SLC8A1: variants seen among roughly 807,000 people sequenced by gnomAD.
The protein encoded by SLC8A1 is sodium/calcium exchanger 1.
SLC8A1 carries 18 observed loss-of-function variants against 68.3 expected under a neutral mutation model. The observed-to-expected ratio is 0.26, with a 90% CI of 0.18 to 0.39. The LOEUF (loss-of-function observed/expected upper bound fraction) is 0.39, where lower values mean the gene tolerates loss of function less well. Ranked by LOEUF, SLC8A1 falls within the 10% of genes least tolerant of loss-of-function variation. The pLI, the probability that SLC8A1 is intolerant of heterozygous loss-of-function variation, is 1.00. For missense variants in SLC8A1, 985 were observed against 1,156.7 expected (o/e 0.85, Z 2.15); for synonymous variants, 475 against 415.5 (o/e 1.14, Z -1.74).
chr2:40,304,326 T>C (rs1354398903), intron 2 of SLC8A1, among the ~76,000 whole-genome samples: 3 of 152,184 alleles, frequency 2.0e-5, no homozygotes, highest in Non-Finnish European at 4.4e-5. Context: ...CAATTTTCAA[T>C]ATCCAGATTC....
intron 1 of SLC8A1, among the ~76,000 whole-genome samples, chr2:40,497,734 G>C (rs914697726): frequency 6.6e-6 from 1 of 152,058 alleles, no homozygotes; most frequent in East Asian, 1.9e-4. Flanking sequence ...AGGGCTACTA[G>C]CAATTGATAA....
chr2:40,337,440 A>G (rs940577460), intron 2 of SLC8A1: 2 of 248,598 alleles, frequency 8.0e-6, no homozygotes, highest in East Asian at 1.6e-4. Flanking sequence ...TCTACAGGGA[A>G]CCCATGAAGG....
chr2:40,262,183 G>C (rs556805544), intron 2 of SLC8A1, among the ~76,000 whole-genome samples: 1 of 151,988 alleles, frequency 6.6e-6, no homozygotes. Flanking sequence ...GGATGGTCTC[G>C]ATCTCCTGAC....
chr2:40,461,815 T>C (rs897762249), intron 1 of SLC8A1, among the ~76,000 whole-genome samples: 7 of 152,126 alleles, frequency 4.6e-5, no homozygotes, highest in Admixed American at 1.3e-4. Flanking sequence ...GTTTGATTTT[T>C]CATGTGTATT....
exon 8 of SLC8A1, chr2:40,108,635 C>G (rs1482449541): frequency 6.6e-6 from 1 of 152,154 alleles, no homozygotes; most frequent in Non-Finnish European, 1.5e-5. Flanking sequence ...AAGGTATCTA[C>G]AGAAAATATT....
intron 4 of SLC8A1, among the ~76,000 whole-genome samples, chr2:40,171,361 T>C (rs903188077): frequency 9.9e-5 from 15 of 152,224 alleles, no homozygotes; most frequent in Non-Finnish European, 7.3e-5. Flanking sequence ...TAAATAGGTA[T>C]ACTGACTGAT....
At position 40,273,402 on chromosome 2, in the gene SLC8A1, CTTAATAAACT is replaced by C. The variant is rs564727995; in HGVS notation, c.1809-95557_1809-95548del. Among the ~76,000 whole-genome samples the C allele has an allele frequency of 2.4e-4, 37 of 152,266 alleles. No homozygotes were observed. In the South Asian group the frequency reaches 3.7e-3, roughly 15 times the overall value. ...GCCACCATGCCCAGCCCCAAATACT[CTTAATAAACT>C]TTAATAAACTAAGAAGTCTAAGATG... On this transcript the variant is annotated intron_variant, in intron 2 of 7. Transcript: ENST00000406785.
At chr2:40,337,989 GACA>G (rs1050084206) in intron 2 of SLC8A1, among the ~76,000 whole-genome samples, 13 of 152,044 alleles carry the variant, frequency 8.6e-5, no homozygotes, top group Non-Finnish European at 1.3e-4. Context: ...CAGCAATATG[GACA>G]ACATCACCCA....
At chr2:40,164,708 GC>G in intron 5 of SLC8A1, 145 bp downstream of exon 8, 2 of 1,051,658 alleles carry the variant, frequency 1.9e-6, no homozygotes, top group East Asian at 4.8e-5. Flanking sequence ...TTCCAATTTG[GC>G]CCCAAAGGCT....
intron 2 of SLC8A1, among the ~76,000 whole-genome samples, chr2:40,379,074 AT>A (rs1168129275): frequency 2.0e-5 from 3 of 152,154 alleles, no homozygotes; most frequent in Admixed American, 2.0e-4. Context: ...CCAGAATAGC[AT>A]CTGGCTCATA....
chr2:40,202,507 G>C (rs2054575351), intron 2 of SLC8A1, among the ~76,000 whole-genome samples: 1 of 151,902 alleles, frequency 6.6e-6, no homozygotes. Context: ...CTTCAACTTT[G>C]CATTTCTGAA....
Position 40,313,707 on chromosome 2 carries a change from T to A in SLC8A1, c.1808+114766A>T, listed in dbSNP as rs188900660. Among the ~76,000 whole-genome samples the A allele has an allele frequency of 1.5e-4, 23 of 152,192 alleles. 1 individual carries two copies. Among genetic ancestry groups the A allele is most frequent in the South Asian group, 1.4e-3 (7 of 4,830 alleles). On this transcript the variant is annotated intron_variant, in intron 2 of 7. Transcript: ENST00000406785. Reference sequence around the variant, plus strand: ...CGTGAGTCACAGTACCTGGATATGGTCAATTTTTAATTGTAGCTACTCTAT... The same window carrying A: ...CGTGAGTCACAGTACCTGGATATGGACAATTTTTAATTGTAGCTACTCTAT...
At chr2:40,292,758 G>T (rs1020271412) in intron 2 of SLC8A1, among the ~76,000 whole-genome samples, 3 of 152,128 alleles carry the variant, frequency 2.0e-5, no homozygotes, top group African/African-American at 7.2e-5. Flanking sequence ...TGAGGAAAAG[G>T]CTGCTGGACT....
chr2:40,145,969 C>T (rs59912380), intron 6 of SLC8A1, among the ~76,000 whole-genome samples: 1 of 30,644 alleles, frequency 3.3e-5, no homozygotes, highest in African/African-American at 4.9e-5. Context: ...GTTGATCTCT[C>T]TTTTTTTTGT....
chr2:40,116,458 C>A (rs574066227), intron 7 of SLC8A1, among the ~76,000 whole-genome samples: 95 of 151,682 alleles, frequency 6.3e-4, no homozygotes, highest in African/African-American at 2.1e-3. Flanking sequence ...TGCTATCCCT[C>A]CCCCAACCCC....
intron 7 of SLC8A1, among the ~76,000 whole-genome samples, chr2:40,129,642 C>G (rs796243433): frequency 6.6e-6 from 1 of 152,154 alleles, no homozygotes; most frequent in African/African-American, 2.4e-5. Flanking sequence ...CTGCTACACT[C>G]GATGCTCATT....
At chr2:40,220,859 T>A (rs2058226771) in intron 2 of SLC8A1, among the ~76,000 whole-genome samples, 1 of 151,916 alleles carries the variant, frequency 6.6e-6, no homozygotes, top group Admixed American at 6.6e-5. Context: ...TCTTAATAGT[T>A]GAATTTTTTT....
At chr2:40,168,382 C>A (rs1470013672) in intron 4 of SLC8A1, among the ~76,000 whole-genome samples, 1 of 152,020 alleles carries the variant, frequency 6.6e-6, no homozygotes, top group East Asian at 1.9e-4. Flanking sequence ...TCATTCCAGG[C>A]AGAGAGAAAT....
chr2:40,142,058 C>T (rs1213642047), intron 6 of SLC8A1, among the ~76,000 whole-genome samples: 12 of 152,190 alleles, frequency 7.9e-5, no homozygotes, highest in Admixed American at 7.9e-4. Context: ...TACAGCAGCC[C>T]TAGCAAACTA....
Sources: allele counts gnomAD v4.1 joint callset (sites outside exome capture counted in the v4.1 genomes callset), GRCh38; gene constraint gnomAD v4.1.1; transcripts MANE v1.5; gene names NCBI Gene and HGNC (gene_info 2026-07-23, HGNC 2026-07-21).